The following ADAMTS3 variants were observed in gnomAD, a reference collection of about 807,000 sequenced individuals.
ADAMTS3 encodes ADAM metallopeptidase with thrombospondin type 1 motif 3.
A neutral mutation model predicts 129.0 loss-of-function variants in ADAMTS3; 73 were observed. The ratio of observed to expected loss-of-function variants is 0.57; its 90% confidence interval spans 0.47 to 0.69. The LOEUF is 0.69. Among genes scored for constraint, ADAMTS3 ranks in the 30% least tolerant of loss-of-function variants. The probability of loss-of-function intolerance (pLI) is 0.00; values close to 1 mark genes in which losing one functional copy is unlikely to be tolerated. For synonymous variants in ADAMTS3, 477 were observed against 510.8 expected, an observed-to-expected ratio of 0.93 and a Z score of 0.89; for missense variants, 1,457 against 1,514.5, an observed-to-expected ratio of 0.96 and a Z score of 0.63.
chr4:72,416,172 A>AATATACATATATATATACATATATGT (rs1553913388), intron 3 of ADAMTS3, among the ~76,000 whole-genome samples: 2 of 146,084 alleles, frequency 1.4e-5, no homozygotes, highest in African/African-American at 2.5e-5. Context: ...AGCAAATATA[A>AATATACATATATATATACATATATGT]ATATAAATAT....
intron 3 of ADAMTS3, among the ~76,000 whole-genome samples, chr4:72,438,520 A>C (rs1045258460): frequency 5.3e-5 from 8 of 151,738 alleles, no homozygotes; most frequent in Admixed American, 1.3e-4. Context: ...CATTTTTATA[A>C]ATCTCTTTCT....
rs114458218 is a variant in ADAMTS3, at chr4:72,397,543, C to T, written c.661+17272G>A. ...TTGCGCAACTGCATTCCAGCCTGGG[C>T]GACAGGGTGAGACTCTATTACACAC... On this transcript the variant is annotated intron_variant, in intron 4 of 21. Transcript: ENST00000286657. Among the ~76,000 whole-genome samples the T allele has an allele frequency of 5.5e-3, 786 of 142,538 alleles. 5 individuals are homozygous for T. Among genetic ancestry groups the T allele is most frequent in the African/African-American group, 0.02 (755 of 38,582 alleles). 93.5% of individuals were successfully genotyped at this position (142,538 alleles called of 152,430 possible).
At chr4:72,478,529 G>A (rs1719314671) in intron 3 of ADAMTS3, among the ~76,000 whole-genome samples, 1 of 149,464 alleles carries the variant, frequency 6.7e-6, no homozygotes, top group Non-Finnish European at 1.5e-5. Context: ...ATTAGGTATT[G>A]ATGGGACATA....
intron 21 of ADAMTS3, among the ~76,000 whole-genome samples, chr4:72,287,822 G>A (rs1718551296): frequency 6.6e-6 from 1 of 152,056 alleles, no homozygotes; most frequent in African/African-American, 2.4e-5. Context: ...GAGGCAGAAG[G>A]AGACAGTGAT....
intron 2 of ADAMTS3, among the ~76,000 whole-genome samples, chr4:72,561,617 T>G (rs1721906823): frequency 6.6e-6 from 1 of 152,214 alleles, no homozygotes; most frequent in Admixed American, 6.5e-5. Context: ...TCTTTTTGTT[T>G]GCATATCTAA....
At chr4:72,405,656 A>G (rs989179200) in intron 4 of ADAMTS3, among the ~76,000 whole-genome samples, 21 of 152,120 alleles carry the variant, frequency 1.4e-4, no homozygotes, top group African/African-American at 2.7e-4. Context: ...AAGAAAAAGC[A>G]TATAATTAGA....
At chr4:72,434,957 T>C (rs1201072079) in intron 3 of ADAMTS3, among the ~76,000 whole-genome samples, 1 of 151,858 alleles carries the variant, frequency 6.6e-6, no homozygotes, top group African/African-American at 2.4e-5. Flanking sequence ...TGGATCTCAA[T>C]TAGCCACAAG....
chr4:72,555,413 G>A (rs1721738387), intron 2 of ADAMTS3, among the ~76,000 whole-genome samples: 1 of 151,682 alleles, frequency 6.6e-6, no homozygotes, highest in African/African-American at 2.4e-5. Flanking sequence ...TCTCCACCAA[G>A]GCAAACTGAA....
chr4:72,357,583 A>ATG (rs1227221936), intron 4 of ADAMTS3, among the ~76,000 whole-genome samples: 1 of 151,790 alleles, frequency 6.6e-6, no homozygotes, highest in African/African-American at 2.4e-5. Context: ...GTGAATGTGT[A>ATG]TGTGTGTGTA....
In ADAMTS3 at chr4:72,323,404, C is replaced by G. The variant is rs534489070; in HGVS notation, c.862-307G>C. Among the ~76,000 whole-genome samples, 4 of 152,260 alleles carry G rather than the reference C, an allele frequency of 2.6e-5. No homozygotes were observed. In the East Asian group the frequency reaches 7.7e-4, roughly 29 times the overall value. ...GATGTAATCCAAATATAACATTAGC[C>G]AAAAGCAACCACAGGAGGGTAACTT... On this transcript the variant is annotated intron_variant, in intron 5 of 21. Coordinates refer to ENST00000286657, the MANE Select transcript of ADAMTS3 (RefSeq NM_014243.3).
intron 3 of ADAMTS3, among the ~76,000 whole-genome samples, chr4:72,485,964 C>G (rs1336872787): frequency 1.3e-5 from 2 of 152,194 alleles, no homozygotes; most frequent in Non-Finnish European, 2.9e-5. Flanking sequence ...ACTGAAACTG[C>G]TGGTACCTTG....
intron 3 of ADAMTS3, among the ~76,000 whole-genome samples, chr4:72,496,741 G>A (rs1168231952): frequency 6.6e-6 from 1 of 152,080 alleles, no homozygotes; most frequent in Non-Finnish European, 1.5e-5. Context: ...ATATAAGAGA[G>A]TGGTAATCCA....
At position 72,515,743 on chromosome 4, in the gene ADAMTS3, G is replaced by C. The variant is rs538626519; in HGVS notation, c.504+32735C>G. Among the ~76,000 whole-genome samples the C allele has an allele frequency of 3.4e-3, 523 of 151,908 alleles. 5 individuals carry two copies. Among genetic ancestry groups the C allele is most frequent in the African/African-American group, 0.012 (506 of 41,446 alleles). ...TGTAGATTCTGGATATTAGCCCTTT[G>C]TCAGATGAGTAGGTTGCGAAAATTT... On this transcript the variant is annotated intron_variant, in intron 3 of 21. Coordinates refer to ENST00000286657, the MANE Select transcript of ADAMTS3 (RefSeq NM_014243.3).
intron 3 of ADAMTS3, among the ~76,000 whole-genome samples, chr4:72,457,938 G>T (rs1269509383): frequency 6.6e-6 from 1 of 151,658 alleles, no homozygotes; most frequent in Non-Finnish European, 1.5e-5. Flanking sequence ...CATCTTTGGA[G>T]GGGATGAGGC....
At chr4:72,517,046 G>T (rs1720506871) in intron 3 of ADAMTS3, among the ~76,000 whole-genome samples, 1 of 152,016 alleles carries the variant, frequency 6.6e-6, no homozygotes, top group South Asian at 2.1e-4. Flanking sequence ...TTAGCATGAA[G>T]GGCTGTTGAA....
chr4:72,397,848 C>T (rs1721765757), intron 4 of ADAMTS3, among the ~76,000 whole-genome samples: 1 of 152,042 alleles, frequency 6.6e-6, no homozygotes, highest in South Asian at 2.1e-4. Flanking sequence ...GATCACAAAA[C>T]CTATACTAGA....
At chr4:72,546,567 C>A (rs1236611863) in intron 3 of ADAMTS3, among the ~76,000 whole-genome samples, 3 of 152,118 alleles carry the variant, frequency 2.0e-5, no homozygotes, top group Non-Finnish European at 2.9e-5. Flanking sequence ...TCAGTTCTTC[C>A]ACTCACAACC....
intron 21 of ADAMTS3, among the ~76,000 whole-genome samples, chr4:72,284,090 T>G (rs1718434887): frequency 6.6e-6 from 1 of 152,146 alleles, no homozygotes; most frequent in Non-Finnish European, 1.5e-5. Context: ...ATTTCTGACT[T>G]TCTCAGAGGG....
intron 4 of ADAMTS3, among the ~76,000 whole-genome samples, chr4:72,400,036 T>C (rs1285589887): frequency 3.0e-4 from 5 of 16,600 alleles, no homozygotes; most frequent in Non-Finnish European, 5.5e-4. Context: ...CGTGTGTATA[T>C]ATGCACACAC....
Sources: gnomAD v4.1 joint callset for allele counts (sites outside exome capture counted in the v4.1 genomes callset) on GRCh38, gnomAD v4.1.1 for gene constraint, MANE v1.5 for transcripts, NCBI Gene and HGNC (gene_info 2026-07-23, HGNC 2026-07-21) for gene names.